The following PRLR variants were observed in gnomAD, a reference collection of about 807,000 sequenced individuals.
PRLR encodes the protein hPRL receptor.
A neutral mutation model predicts 40.2 loss-of-function variants in PRLR; 13 were observed. That is an observed-to-expected ratio of 0.32 (90% CI 0.21 to 0.51). The LOEUF (loss-of-function observed/expected upper bound fraction) is 0.51, where lower values mean the gene tolerates loss of function less well. PRLR is among the 20% of genes least tolerant of loss of function. PRLR has a pLI of 0.97. For missense variants in PRLR, 656 were observed against 747.3 expected (o/e 0.88, Z 1.42); for synonymous variants, 269 against 278.7 (o/e 0.97, Z 0.35).
chr5:35,054,274 T>C (rs909603553), downstream of PRLR, among the ~76,000 whole-genome samples: 5 of 152,218 alleles, frequency 3.3e-5, no homozygotes, highest in African/African-American at 9.6e-5. Context: ...TATTAAGATA[T>C]GCATTTTACA....
intron 1 of PRLR, among the ~76,000 whole-genome samples, chr5:35,170,491 CAAAAATAA>C (rs575735353): frequency 3.1e-4 from 47 of 152,098 alleles, no homozygotes; most frequent in African/African-American, 1.1e-3. Flanking sequence ...TCTGTCTCTA[CAAAAATAA>C]AAAAATAAAA....
intron 1 of PRLR, among the ~76,000 whole-genome samples, chr5:35,221,374 C>T (rs1272285920): frequency 6.6e-6 from 1 of 152,160 alleles, no homozygotes; most frequent in African/African-American, 2.4e-5. Flanking sequence ...TTCTAAATTG[C>T]ACACAGAAAA....
chr5:35,191,051 T>C (rs1340543286), intron 1 of PRLR, among the ~76,000 whole-genome samples: 7 of 2,526 alleles, frequency 2.8e-3, no homozygotes, highest in African/African-American at 8.1e-3. Context: ...TTATTTTCTT[T>C]TTTTTTTTTT....
rs1389229245 is a variant in PRLR, at chr5:35,049,985, G to A, written c.1010-577C>T. 2.1e-5 allele frequency among the ~76,000 whole-genome samples: 3 copies of A among 141,482 alleles called. 1 individual carries two copies. The highest frequency in any genetic ancestry group is 7.6e-3 in the Middle Eastern group (2 of 264). 92.8% of individuals were successfully genotyped at this position (141,482 alleles called of 152,430 possible). The stretch of plus-strand genomic sequence containing the variant: ...TGCAATGGCATGATCTTGGCTCACC[G>A]CAACCTCCGCCTCCCAGGTTCAAGC... On this transcript the variant is annotated intron_variant, in intron 8 of 8. Transcript: ENST00000231423.
chr5:35,140,932 C>G (rs1340887576), intron 1 of PRLR, among the ~76,000 whole-genome samples: 1 of 152,182 alleles, frequency 6.6e-6, no homozygotes, highest in Non-Finnish European at 1.5e-5. Flanking sequence ...GAACATCTTC[C>G]AGCCTCCCCT....
chr5:35,174,646 C>T (rs1034069897), intron 1 of PRLR, among the ~76,000 whole-genome samples: 6 of 152,174 alleles, frequency 3.9e-5, no homozygotes, highest in Non-Finnish European at 8.8e-5. Flanking sequence ...CAATGAAACC[C>T]TCCCACTTGC....
chr5:35,185,983 G>A (rs2111991227), intron 1 of PRLR, among the ~76,000 whole-genome samples: 1 of 152,272 alleles, frequency 6.6e-6, no homozygotes, highest in South Asian at 2.1e-4. Context: ...AACACCCACT[G>A]AGCCTTGCTG....
intron 2 of PRLR, among the ~76,000 whole-genome samples, chr5:35,104,606 C>T (rs765377711): frequency 6.6e-5 from 10 of 152,156 alleles, no homozygotes; most frequent in Non-Finnish European, 8.8e-5. Context: ...CCTATGCCCA[C>T]GGAGCCTCGC....
At chr5:35,196,729 C>T (rs1010401310) in intron 1 of PRLR, among the ~76,000 whole-genome samples, 1 of 152,228 alleles carries the variant, frequency 6.6e-6, no homozygotes, top group Non-Finnish European at 1.5e-5. Flanking sequence ...TCAAGACCTT[C>T]CCCGAAGGAA....
chr5:35,192,488 T>G (rs1278851714), intron 1 of PRLR, among the ~76,000 whole-genome samples: 2 of 152,098 alleles, frequency 1.3e-5, no homozygotes, highest in African/African-American at 4.8e-5. Flanking sequence ...TAAAAGGAGC[T>G]AAGCCTAAAA....
intron 1 of PRLR, among the ~76,000 whole-genome samples, chr5:35,217,728 A>T (rs1241539051): frequency 6.6e-6 from 1 of 152,268 alleles, no homozygotes; most frequent in African/African-American, 2.4e-5. Flanking sequence ...ATGCATAAAA[A>T]TAAATAAAAA....
chr5:35,093,029 A>G (rs1456149377), intron 2 of PRLR, among the ~76,000 whole-genome samples: 1 of 152,140 alleles, frequency 6.6e-6, no homozygotes, highest in Non-Finnish European at 1.5e-5. Flanking sequence ...GCTTGGCATC[A>G]ATGCTGATCC....
intron 1 of PRLR, among the ~76,000 whole-genome samples, chr5:35,208,725 T>C (rs1015301791): frequency 3.3e-5 from 5 of 152,228 alleles, no homozygotes; most frequent in African/African-American, 9.6e-5. Flanking sequence ...ATCTTTAAGA[T>C]GAAAAGGGTT....
At chr5:35,069,930 G>T (rs184031618) in intron 7 of PRLR, among the ~76,000 whole-genome samples, 194 bp downstream of exon 7, 1 of 152,204 alleles carries the variant, frequency 6.6e-6, no homozygotes, top group African/African-American at 2.4e-5. Flanking sequence ...TCCTAAAATT[G>T]TTCTCCATTG....
chr5:35,214,235 T>C (rs1776233188), intron 1 of PRLR, among the ~76,000 whole-genome samples: 1 of 151,932 alleles, frequency 6.6e-6, no homozygotes, highest in Non-Finnish European at 1.5e-5. Flanking sequence ...CCTTGAGGAG[T>C]TTTCCTCCAT....
chr5:35,156,152 C>A (rs57685270), intron 1 of PRLR, among the ~76,000 whole-genome samples: 6,324 of 142,504 alleles, frequency 0.044, 606 homozygotes, highest in African/African-American at 0.16. Flanking sequence ...AAAAAAAAAA[C>A]AAAACCAACT....
chr5:35,050,480 G>A (rs987339955), intron 8 of PRLR, among the ~76,000 whole-genome samples: 5 of 152,270 alleles, frequency 3.3e-5, no homozygotes, highest in Middle Eastern at 3.4e-3. Flanking sequence ...TTTTACATAA[G>A]ACTAGAGAAG....
intron 1 of PRLR, among the ~76,000 whole-genome samples, chr5:35,165,852 T>G (rs1457387887): frequency 1.3e-5 from 2 of 152,210 alleles, no homozygotes; most frequent in African/African-American, 4.8e-5. Flanking sequence ...CAGAACTGAA[T>G]TCTGCTGGTG....
intron 5 of PRLR, among the ~76,000 whole-genome samples, chr5:35,083,640 C>T (rs1770669195): frequency 6.6e-6 from 1 of 151,716 alleles, no homozygotes; most frequent in Non-Finnish European, 1.5e-5. Flanking sequence ...TTGCCTCAGC[C>T]TCCTGAGTAG....
Sources: allele counts gnomAD v4.1 joint callset (sites outside exome capture counted in the v4.1 genomes callset), GRCh38; gene constraint gnomAD v4.1.1; transcripts MANE v1.5; gene names NCBI Gene and HGNC (gene_info 2026-07-23, HGNC 2026-07-21).